The following KIF19 variants were observed in gnomAD, a reference collection of about 807,000 sequenced individuals.
The protein encoded by KIF19 is kinesin-like protein KIF19.
Under a neutral mutation model 106.6 loss-of-function variants are expected in KIF19, and 98 were observed. That is an observed-to-expected ratio of 0.92 (90% CI 0.78 to 1.09). The LOEUF is 1.09. KIF19 is among the 50% of genes least tolerant of loss of function. The probability of loss-of-function intolerance (pLI) is 0.00; values close to 1 mark genes in which losing one functional copy is unlikely to be tolerated. For missense variants in KIF19, 1,373 were observed against 1,414.3 expected (o/e 0.97, Z 0.47); for synonymous variants, 516 against 584.2 (o/e 0.88, Z 1.68).
chr17:74,342,799 T>A, intron 4 of KIF19, 82 bp downstream of exon 4: 1 of 1,389,816 alleles, frequency 7.2e-7, no homozygotes. Flanking sequence ...TGACCCCAGC[T>A]GGAGCAGGAA....
intron 2 of KIF19, among the ~76,000 whole-genome samples, chr17:74,330,423 C>G (rs1018707272): frequency 9.2e-5 from 14 of 152,164 alleles, no homozygotes; most frequent in African/African-American, 3.4e-4. Flanking sequence ...CTGCTAGAGA[C>G]TGAAATTCCC....
At chr17:74,330,548 G>A (rs1262988736) in intron 2 of KIF19, among the ~76,000 whole-genome samples, 2 of 152,214 alleles carry the variant, frequency 1.3e-5, no homozygotes. Flanking sequence ...GGTCCTCGGG[G>A]TTGGGACAAT....
chr17:74,339,458 C>T (rs1456532038), intron 2 of KIF19, among the ~76,000 whole-genome samples: 2 of 151,072 alleles, frequency 1.3e-5, no homozygotes, highest in Non-Finnish European at 2.9e-5. Flanking sequence ...CGCCACCTTC[C>T]CTCCCACTGA....
rs376205333 is a variant in KIF19, at chr17:74,354,550, C to T, written c.2697C>T (p.Thr899=). ...RKRRSRSFEV[T]GQGLSHPKTH... is the part of the protein sequence containing the mutation. ...GGAGGTCCCGATCCTTCGAGGTCAC[C>T]GGGCAAGGGGTGAGGCGAGGCGCAG... Residue 899 remains threonine, a synonymous_variant, in exon 18 of 20, where the codon ACC becomes ACT. Transcript: ENST00000389916. 72 of 1,594,828 alleles carry T rather than the reference C, an allele frequency of 4.5e-5. No individual in the cohort carries two copies. The highest frequency in any genetic ancestry group is 1.1e-4 in the South Asian group (10 of 88,062).
intron 2 of KIF19, among the ~76,000 whole-genome samples, chr17:74,334,152 G>T (rs1567899537): frequency 6.6e-6 from 1 of 152,144 alleles, no homozygotes; most frequent in Non-Finnish European, 1.5e-5. Flanking sequence ...TTTGCTGGCT[G>T]AATAATGTTT....
rs757775069 is a variant in KIF19, at chr17:74,351,932, G to T, written c.1653G>T (p.Pro551=). Residue 551 remains proline, a synonymous_variant, in exon 13 of 20, where the codon CCG becomes CCT. Transcript: ENST00000389916. ...GCCGGCGCCTGGAGGAGACGCTGCC[G>T]CGGCGCATCGGCTCCGAGGAGCAGC... The part of the protein sequence containing the change: ...ARGRRLEETL[P]RRIGSEEQRE... The T allele has an allele frequency of 3.4e-6, 5 of 1,454,576 alleles. No individual in the cohort carries two copies. The African/African-American group carries it at 6.0e-5, about 17-fold the overall frequency. The allele number at this position is 1,454,576 out of a possible 1,614,324, so 90.1% of individuals were successfully genotyped here. A position where few individuals can be genotyped will look rare whatever the true frequency, so the allele number is the denominator to read the frequency against.
In KIF19 at chr17:74,352,323, G is replaced by GC. The variant is rs1440808786; in HGVS notation, c.1965dup (p.Ser656LeufsTer24). On this transcript the variant is annotated frameshift_variant, in exon 14 of 20. Coordinates refer to ENST00000389916, the MANE Select transcript of KIF19 (RefSeq NM_153209.4). LOFTEE classifies it high-confidence loss of function. The stretch of plus-strand genomic sequence containing the variant: ...GCAGGCCACCATCATGGACCAAGTG[G>GC]CCTCCAGGGCCCTGCAGGTGGGTGG... The GC allele has an allele frequency of 6.2e-7, 1 of 1,609,390 alleles. No individual in the cohort carries two copies. Among genetic ancestry groups the GC allele is most frequent in the Admixed American group, 1.7e-5 (1 of 59,358 alleles).
chr17:74,350,303 A>T, intron 10 of KIF19, 98 bp from the exon 11 acceptor site: 1 of 1,158,402 alleles, frequency 8.6e-7, no homozygotes, highest in Non-Finnish European at 1.2e-6. Flanking sequence ...GGGAGCACTG[A>T]GTTGGGAAGA....
intron 1 of KIF19, among the ~76,000 whole-genome samples, chr17:74,328,191 G>A (rs1453385680): frequency 1.3e-5 from 2 of 151,346 alleles, no homozygotes; most frequent in Admixed American, 6.5e-5. Flanking sequence ...GGAGCAGACA[G>A]CTCTCTCCCC....
intron 2 of KIF19, among the ~76,000 whole-genome samples, chr17:74,340,605 G>A (rs2054344957): frequency 6.8e-6 from 1 of 147,330 alleles, no homozygotes; most frequent in South Asian, 2.2e-4. Context: ...AGGGAGGGGA[G>A]CCCCAGCTGG....
chr17:74,333,924 A>G (rs1381321305), intron 2 of KIF19, among the ~76,000 whole-genome samples: 1 of 147,456 alleles, frequency 6.8e-6, no homozygotes, highest in Non-Finnish European at 1.5e-5. Context: ...CCTGGGCTCA[A>G]AGGATCCTCC....
chr17:74,340,728 T>TC (rs1177732350), intron 2 of KIF19, among the ~76,000 whole-genome samples: 1 of 152,158 alleles, frequency 6.6e-6, no homozygotes, highest in Non-Finnish European at 1.5e-5. Context: ...CTGGAGCAGT[T>TC]CCCTCACAGC....
chr17:74,344,772 G>A lies in KIF19; in HGVS notation c.594G>A (p.Leu198=). Residue 198 remains leucine, a synonymous_variant, in exon 7 of 20, where the codon CTG becomes CTA. Coordinates refer to ENST00000389916, the MANE Select transcript of KIF19 (RefSeq NM_153209.4). ...TCCCTCCCACCCAGATCATGCAGCT[G>A]CTGATGAAGGGGAACCGGCAGAGGA... The part of the protein sequence containing the change: ...STINAKEIMQ[L]LMKGNRQRTQ... The A allele has an allele frequency of 6.2e-7, 1 of 1,606,718 alleles. No individual in the cohort carries two copies. Among genetic ancestry groups the A allele is most frequent in the Non-Finnish European group, 8.5e-7 (1 of 1,174,896 alleles).
In KIF19 at chr17:74,349,251, G is replaced by A. The variant is rs78437913; in HGVS notation, c.1115G>A (p.Arg372Gln). ...TACACCAGCATCATCGCTGACCTGC[G>A]GGGCGAGATCCAGCGACTCAAGCGC... ...AQYTSIIADL[R>Q]GEIQRLKRKI... The change falls in exon 10 of 20, where the codon CGG (arginine) becomes CAG (glutamine). Residue 372 changes from arginine (R) to glutamine (Q), a missense_variant. This residue lies in a region of KIF19 where 1,020 missense variants were observed against 1,008.2 expected (regional missense o/e 1.01). Transcript: ENST00000389916. 2.8e-3 allele frequency: 4,547 copies of A among 1,613,626 alleles called. 97 individuals carry two copies. The African/African-American group carries it at 0.049, about 17-fold the overall frequency.
chr17:74,354,112 T>G, intron 17 of KIF19, 50 bp from the exon 18 acceptor site: 3 of 1,555,330 alleles, frequency 1.9e-6, no homozygotes, highest in Non-Finnish European at 2.6e-6. Context: ...AGGAGGGTGT[T>G]GAGAGGTGGC....
At chr17:74,334,109 G>A (rs573982219) in intron 2 of KIF19, among the ~76,000 whole-genome samples, 2 of 152,158 alleles carry the variant, frequency 1.3e-5, no homozygotes, top group African/African-American at 4.8e-5. Context: ...GCAGGTGTGA[G>A]CCACTGTATC....
intron 4 of KIF19, 68 bp from the exon 5 acceptor site, chr17:74,342,956 G>C: frequency 6.6e-7 from 1 of 1,505,506 alleles, no homozygotes. Flanking sequence ...CGGTTTCCAG[G>C]AGTGCCTGCC....
intron 9 of KIF19, chr17:74,348,454 C>A (rs1285847703): frequency 6.2e-6 from 1 of 160,894 alleles, no homozygotes; most frequent in Non-Finnish European, 1.4e-5. Flanking sequence ...CATGTCGGAA[C>A]CCTTGCCATC....
At chr17:74,340,290 T>C (rs1325170314) in intron 2 of KIF19, among the ~76,000 whole-genome samples, 1 of 152,176 alleles carries the variant, frequency 6.6e-6, no homozygotes, top group Non-Finnish European at 1.5e-5. Flanking sequence ...GTCATTTCCA[T>C]GAATCTGGCA....
Sources: allele counts gnomAD v4.1 joint callset (sites outside exome capture counted in the v4.1 genomes callset), GRCh38; gene constraint gnomAD v4.1.1; regional missense constraint gnomAD v4.1.1; transcripts MANE v1.5; gene names NCBI Gene and HGNC (gene_info 2026-07-23, HGNC 2026-07-21).